The following DRC5 variants were observed in gnomAD, a reference collection of about 807,000 sequenced individuals.
DRC5 encodes dynein regulatory complex subunit 5.
chr6:44,290,984 C>T, the DRC5 span, among the ~76,000 whole-genome samples: 1 of 152,210 alleles, frequency 6.6e-6, no homozygotes, highest in Non-Finnish European at 1.5e-5. Context: ...ATTGGTCTTG[C>T]TGCTGTTTTG....
chr6:44,292,462 C>T, the DRC5 span, among the ~76,000 whole-genome samples: 125 of 152,312 alleles, frequency 8.2e-4, no homozygotes, highest in African/African-American at 2.7e-3. Flanking sequence ...ACTGCCCACC[C>T]GTTCCCCACA....
the DRC5 span, among the ~76,000 whole-genome samples, chr6:44,283,339 GTT>G: frequency 0.04 from 6,043 of 152,220 alleles, 221 homozygotes; most frequent in East Asian, 0.18. Flanking sequence ...TTTGAAGGAG[GTT>G]GCCAGGGCAA....
the DRC5 span, among the ~76,000 whole-genome samples, chr6:44,293,790 G>C: frequency 6.6e-6 from 1 of 152,164 alleles, no homozygotes; most frequent in African/African-American, 2.4e-5. Context: ...GGAATTTCAC[G>C]GCCCTAATGT....
At chr6:44,282,499 G>A in the DRC5 span, 1 of 1,607,814 alleles carries the variant, frequency 6.2e-7, no homozygotes, top group Non-Finnish European at 8.5e-7. Flanking sequence ...TGGTCCAGAA[G>A]GCTTCGAATT....
At chr6:44,282,128 G>A in the DRC5 span, 4 of 1,613,404 alleles carry the variant, frequency 2.5e-6, no homozygotes, top group Non-Finnish European at 3.4e-6. Context: ...TGTGGTTGCA[G>A]GACAGGTTGA....
the DRC5 span, among the ~76,000 whole-genome samples, chr6:44,286,697 A>G: frequency 8.5e-5 from 13 of 152,268 alleles, no homozygotes; most frequent in Non-Finnish European, 1.9e-4. Flanking sequence ...AGAGGGTGGG[A>G]CACAGCCTTT....
chr6:44,280,066 G>A, the DRC5 span: 1 of 961,620 alleles, frequency 1.0e-6, no homozygotes, highest in Non-Finnish European at 1.6e-6. Flanking sequence ...TCACTCCAAG[G>A]TTATTCACAG....
At chr6:44,295,954 G>A in the DRC5 span, among the ~76,000 whole-genome samples, 3 of 152,196 alleles carry the variant, frequency 2.0e-5, no homozygotes, top group African/African-American at 7.2e-5. Flanking sequence ...CAGCACTCAA[G>A]ATGTGTGTTA....
chr6:44,294,039 A>G, the DRC5 span, among the ~76,000 whole-genome samples: 136 of 151,774 alleles, frequency 9.0e-4, no homozygotes, highest in African/African-American at 3.0e-3. Flanking sequence ...CTGGAGTGCC[A>G]TGGCGCAATC....
chr6:44,287,745 T>C, the DRC5 span: 1 of 1,614,130 alleles, frequency 6.2e-7, no homozygotes, highest in East Asian at 2.2e-5. Flanking sequence ...AAGTGTGTCC[T>C]CCAGTGGAGG....
the DRC5 span, among the ~76,000 whole-genome samples, chr6:44,280,896 C>T: frequency 6.6e-6 from 1 of 152,218 alleles, no homozygotes; most frequent in African/African-American, 2.4e-5. Flanking sequence ...AGCACTGAAC[C>T]CAGGGGTTTA....
the DRC5 span, chr6:44,286,536 T>A: frequency 1.2e-6 from 2 of 1,607,300 alleles, no homozygotes; most frequent in Non-Finnish European, 1.7e-6. Flanking sequence ...GGGTTTTCTT[T>A]GGGAACAGAG....
At chr6:44,294,741 C>T in the DRC5 span, among the ~76,000 whole-genome samples, 3 of 124,874 alleles carry the variant, frequency 2.4e-5, no homozygotes, top group African/African-American at 9.2e-5. Flanking sequence ...CACTACACTC[C>T]AGCCTGGGCA....
chr6:44,282,273 C>T, the DRC5 span: 3 of 1,614,172 alleles, frequency 1.9e-6, no homozygotes, highest in Middle Eastern at 1.6e-4. Context: ...AGCCTGGCCA[C>T]CCTCATCCTC....
chr6:44,291,493 G>T, the DRC5 span, among the ~76,000 whole-genome samples: 1 of 152,172 alleles, frequency 6.6e-6, no homozygotes, highest in Non-Finnish European at 1.5e-5. Flanking sequence ...TTGGCAGGTT[G>T]CCTTCTGACC....
the DRC5 span, among the ~76,000 whole-genome samples, chr6:44,293,521 C>T: frequency 6.6e-6 from 1 of 152,226 alleles, no homozygotes; most frequent in East Asian, 1.9e-4. Context: ...TTTCTTATCC[C>T]CATTTTACAG....
At chr6:44,279,720 GCC>G in the DRC5 span, 1 of 157,554 alleles carries the variant, frequency 6.3e-6, no homozygotes, top group Non-Finnish European at 1.4e-5. Context: ...GGCAGAGAGA[GCC>G]AGGCATAGCC....
the DRC5 span, among the ~76,000 whole-genome samples, chr6:44,293,439 G>A: frequency 4.1e-3 from 630 of 151,984 alleles, 20 homozygotes; most frequent in East Asian, 0.079. Flanking sequence ...ATAGTGAGAT[G>A]CCGTCTCTAA....
chr6:44,282,373 G>A, the DRC5 span: 1 of 1,614,216 alleles, frequency 6.2e-7, no homozygotes, highest in East Asian at 2.2e-5. Context: ...GCACGCACCT[G>A]GTTGTTAGCC....
Sources: allele counts gnomAD v4.1 joint callset (sites outside exome capture counted in the v4.1 genomes callset), GRCh38; gene constraint gnomAD v4.1.1; transcripts MANE v1.5; gene names NCBI Gene and HGNC (gene_info 2026-07-23, HGNC 2026-07-21).